Variants in HOXC5 observed in about 807,000 individuals in gnomAD.
HOXC5 encodes the protein homeobox protein Hox-C5.
In HOXC5, 19 loss-of-function variants were observed where a neutral mutation model predicts 20.1. The observed-to-expected ratio is 0.94, with a 90% CI of 0.66 to 1.38. The LOEUF is 1.38. Ranked by LOEUF, HOXC5 falls within the 40% of genes most tolerant of loss-of-function variation. HOXC5 has a pLI of 0.00. For missense variants in HOXC5, 330 were observed against 300.1 expected, an observed-to-expected ratio of 1.10 and a Z score of -0.74; for synonymous variants, 124 against 117.0, an observed-to-expected ratio of 1.06 and a Z score of -0.39.
At chr12:54,028,321 A>G (rs1054843191), upstream of HOXC5, 2 of 537,942 alleles carry the variant, frequency 3.7e-6, no homozygotes, top group Non-Finnish European at 6.6e-6. Flanking sequence ...AGTCTCAACT[A>G]GGGAATCAAC....
the HOXC5 span, among the ~76,000 whole-genome samples, chr12:54,024,502 G>A: frequency 6.6e-6 from 1 of 152,136 alleles, no homozygotes; most frequent in Admixed American, 6.5e-5. Flanking sequence ...CAACTAAGGA[G>A]GACCTCTGGA....
upstream of HOXC5, chr12:54,028,594 G>A: frequency 1.9e-6 from 3 of 1,613,946 alleles, no homozygotes; most frequent in Middle Eastern, 1.6e-4. Context: ...CCCCAACGTC[G>A]CCCTCAATTC....
Position 54,034,345 on chromosome 12 carries a change from C to T in HOXC5, c.522C>T (p.Phe174=). The T allele has an allele frequency of 6.2e-7, 1 of 1,614,238 alleles. No homozygotes were observed. The highest frequency in any genetic ancestry group is 8.5e-7 in the Non-Finnish European group (1 of 1,180,044). The change falls in exon 2 of 2, where the codon TTC becomes TTT. Residue 174 remains phenylalanine, a synonymous_variant. Coordinates refer to ENST00000312492, the MANE Select transcript of HOXC5 (RefSeq NM_018953.4). ...AGACTCTGGAACTCGAGAAAGAATT[C>T]CACTTTAACCGCTACCTCACTCGCC... ...RYQTLELEKE[F]HFNRYLTRRR...
the HOXC5 span, among the ~76,000 whole-genome samples, chr12:54,026,621 G>A: frequency 6.6e-6 from 1 of 152,094 alleles, no homozygotes; most frequent in East Asian, 1.9e-4. Flanking sequence ...GGAGGATTGG[G>A]GCTGTATTTT....
chr12:54,033,197 G>A lies in HOXC5; in HGVS notation c.75G>A (p.Gly25=). The A allele has an allele frequency of 6.2e-7, 1 of 1,614,170 alleles. No homozygotes were observed. Among genetic ancestry groups the A allele is most frequent in the Non-Finnish European group, 8.5e-7 (1 of 1,180,032 alleles). The change falls in exon 1 of 2, where the codon GGG becomes GGA. Residue 25 remains glycine, a synonymous_variant. Coordinates refer to ENST00000312492, the MANE Select transcript of HOXC5 (RefSeq NM_018953.4). ...NIPAYNMQTC[G]NYGSASEVQA... is the part of the protein sequence containing the mutation. ...CTGCCTATAACATGCAAACTTGTGG[G>A]AACTATGGATCGGCCTCAGAGGTGC...
chr12:54,023,386 G>A, the HOXC5 span, among the ~76,000 whole-genome samples: 3 of 152,340 alleles, frequency 2.0e-5, no homozygotes, highest in South Asian at 6.2e-4. Flanking sequence ...GTGCTGGTAA[G>A]GAAAGGTCAG....
the HOXC5 span, chr12:54,020,610 T>C: frequency 2.0e-5 from 3 of 152,204 alleles, no homozygotes; most frequent in Non-Finnish European, 4.4e-5. Flanking sequence ...CATATTTCCT[T>C]GGTGGTTAAT....
At chr12:54,030,963 C>G (rs1307186704), upstream of HOXC5, 2 of 152,464 alleles carry the variant, frequency 1.3e-5, no homozygotes, top group East Asian at 3.9e-4. Flanking sequence ...AGGCGCCCGG[C>G]CCCGGCCTTC....
At chr12:54,017,891 C>G in the HOXC5 span, among the ~76,000 whole-genome samples, 1 of 152,156 alleles carries the variant, frequency 6.6e-6, no homozygotes, top group Non-Finnish European at 1.5e-5. Context: ...TCCAGCTTCC[C>G]CTCCCTGTCT....
chr12:54,034,501 G>C lies in HOXC5; in HGVS notation c.*9G>C, dbSNP rs751624231. The C allele has an allele frequency of 7.5e-6, 12 of 1,610,150 alleles. No homozygotes were observed. Among genetic ancestry groups the C allele is most frequent in the Non-Finnish European group, 9.3e-6 (11 of 1,177,850 alleles). ...GCAAAGAGGCTCTTTAGAGGCAGCGGGGGAGGCCCGCAGAGCGCGCCCCTA... is the reference window on the plus strand; with the variant it reads ...GCAAAGAGGCTCTTTAGAGGCAGCGCGGGAGGCCCGCAGAGCGCGCCCCTA... On this transcript the variant is annotated 3_prime_UTR_variant, in exon 2 of 2. Coordinates refer to ENST00000312492, the MANE Select transcript of HOXC5 (RefSeq NM_018953.4).
chr12:54,034,639 T>C lies in HOXC5; in HGVS notation c.*147T>C. On this transcript the variant is annotated 3_prime_UTR_variant, in exon 2 of 2. Transcript: ENST00000312492. The stretch of plus-strand genomic sequence containing the variant: ...GCCCCACAGACAAAAGCGCTTTTCC[T>C]TGGCATTCCGCATCCCTACCGACCC... The C allele has an allele frequency of 1.5e-6, 1 of 660,194 alleles. No homozygotes were observed. Among genetic ancestry groups the C allele is most frequent in the South Asian group, 1.9e-5 (1 of 51,410 alleles). 40.9% of individuals were successfully genotyped at this position (660,194 alleles called of 1,614,324 possible). A position where few individuals can be genotyped will look rare whatever the true frequency, so the allele number is the denominator to read the frequency against.
the HOXC5 span, among the ~76,000 whole-genome samples, chr12:54,025,871 A>G: frequency 6.6e-6 from 1 of 152,070 alleles, no homozygotes; most frequent in Non-Finnish European, 1.5e-5. Context: ...AAGGAAACCT[A>G]GGCATCCTTG....
At position 54,033,286 on chromosome 12, in the gene HOXC5, C is replaced by T. The variant is rs1165083135; in HGVS notation, c.164C>T (p.Ser55Phe). 2 of 1,614,210 alleles carry T rather than the reference C, an allele frequency of 1.2e-6. No homozygotes were observed. The highest frequency in any genetic ancestry group is 1.3e-5 in the African/African-American group (1 of 75,072). The change falls in exon 1 of 2, where the codon TCC (serine) becomes TTC (phenylalanine). Residue 55 changes from serine (S) to phenylalanine (F), a missense_variant. Physicochemically the swap from Ser to Phe is radical, Grantham distance 155. Coordinates refer to ENST00000312492, the MANE Select transcript of HOXC5 (RefSeq NM_018953.4). ...ATCACTTTCCCACCGCCTGCGCCTT[C>T]CAACTCTCTCCACGGGGTAGACATG... Reference protein sequence around the residue: ...LSITFPPPAPSNSLHGVDMAA... With the variant: ...LSITFPPPAPFNSLHGVDMAA...
rs376228055 is a variant in HOXC5, at chr12:54,034,309, C to G, written c.486C>G (p.Tyr162Ter). ...ACGGCAAGCGGTCCCGAACCAGTTACACGCGCTACCAGACTCTGGAACTCG... is the reference window on the plus strand; with the variant it reads ...ACGGCAAGCGGTCCCGAACCAGTTAGACGCGCTACCAGACTCTGGAACTCG... ...ETDGKRSRTS[Y>*]TRYQTLELEK... Residue 162 changes from tyrosine to a stop codon, truncating the protein, a stop_gained, in exon 2 of 2, where the codon TAC becomes TAG. Coordinates refer to ENST00000312492, the MANE Select transcript of HOXC5 (RefSeq NM_018953.4). LOFTEE classifies it high-confidence loss of function. 6.2e-7 allele frequency: 1 copy of G among 1,614,110 alleles called. No individual in the cohort carries two copies. The highest frequency in any genetic ancestry group is 1.7e-5 in the Admixed American group (1 of 60,038).
the HOXC5 span, among the ~76,000 whole-genome samples, chr12:54,023,060 T>G: frequency 6.6e-6 from 1 of 152,208 alleles, no homozygotes; most frequent in Non-Finnish European, 1.5e-5. Flanking sequence ...CCCCCTCAAG[T>G]GTCCCTAGGC....
At chr12:54,027,639 C>T in the HOXC5 span, among the ~76,000 whole-genome samples, 528 of 127,266 alleles carry the variant, frequency 4.1e-3, 1 homozygote, top group African/African-American at 0.015. Flanking sequence ...TTTTCTATTG[C>T]ATTTTTTATA....
At chr12:54,029,688 G>A (rs1191899938), upstream of HOXC5, 1 of 1,613,816 alleles carries the variant, frequency 6.2e-7, no homozygotes, top group Non-Finnish European at 8.5e-7. Flanking sequence ...AGGCGCGGCC[G>A]CCAGATCTAC....
upstream of HOXC5, chr12:54,032,795 C>CTT (rs113659413): frequency 1.9e-5 from 3 of 157,146 alleles, no homozygotes; most frequent in Non-Finnish European, 1.3e-5. Context: ...TTCCAAGAAC[C>CTT]TTTTTTTTTT....
At chr12:54,018,765 G>A in the HOXC5 span, among the ~76,000 whole-genome samples, 2 of 152,140 alleles carry the variant, frequency 1.3e-5, no homozygotes, top group South Asian at 2.1e-4. Context: ...GGAGGCGTGG[G>A]GGAACATATT....
Sources: gnomAD v4.1 joint callset for allele counts (sites outside exome capture counted in the v4.1 genomes callset) on GRCh38, gnomAD v4.1.1 for gene constraint, MANE v1.5 for transcripts, NCBI Gene and HGNC (gene_info 2026-07-23, HGNC 2026-07-21) for gene names.